RERG: variants seen among roughly 807,000 people sequenced by gnomAD.
The protein encoded by RERG is RAS like estrogen regulated growth inhibitor, also known as ras-related and estrogen-regulated growth inhibitor.
A neutral mutation model predicts 23.2 loss-of-function variants in RERG; 25 were observed. The ratio of observed to expected loss-of-function variants is 1.08; its 90% CI spans 0.79 to 1.50. RERG has a LOEUF of 1.50. Among genes scored for constraint, RERG ranks in the 40% most tolerant of loss-of-function variants. RERG has a pLI of 0.00. For missense variants in RERG, 253 were observed against 250.1 expected, an observed-to-expected ratio of 1.01 and a Z score of -0.08; for synonymous variants, 81 against 89.1, an observed-to-expected ratio of 0.91 and a Z score of 0.51.
chr12:15,109,908 T>C (rs1367626116), intron 4 of RERG, among the ~76,000 whole-genome samples: 2 of 152,226 alleles, frequency 1.3e-5, no homozygotes. Context: ...TTCCACCTTT[T>C]AAGTATCAGA....
Position 15,109,191 on chromosome 12 carries a change from C to A in RERG, c.519G>T (p.Val173=). The A allele has an allele frequency of 6.2e-7, 1 of 1,613,748 alleles. No homozygotes were observed. Among genetic ancestry groups the A allele is most frequent in the South Asian group, 1.1e-5 (1 of 91,040 alleles). ...LCREVRRRRM[V]QGKTRRRSST... ...AGCTGCGTCGCCTCGTCTTGCCCTG[C>A]ACCATCCTCCGGCGACGCACCTCTC... is the stretch of plus-strand genomic sequence containing the variant. The change falls in exon 5 of 5, where the codon GTG becomes GTT. Residue 173 remains valine (V), a synonymous_variant. Coordinates refer to ENST00000256953, the MANE Select transcript of RERG (RefSeq NM_032918.3).
rs565884373 is a variant in RERG, at chr12:15,220,762, C to A, written c.-115+433G>T. 5.5e-4 allele frequency among the ~76,000 whole-genome samples: 84 copies of A among 152,184 alleles called. 2 individuals are homozygous for A. In the South Asian group the frequency reaches 0.017, roughly 30 times the overall value. On this transcript the variant is annotated intron_variant, in intron 1 of 4. Coordinates refer to ENST00000256953, the MANE Select transcript of RERG (RefSeq NM_032918.3). ...ATGAGATTCTCTTCTTTTTTGGCCT[C>A]CCCTTCTCTGGTTCTGAAATCAAGT...
intron 2 of RERG, among the ~76,000 whole-genome samples, chr12:15,132,796 CAT>C (rs1479808952): frequency 6.6e-6 from 1 of 152,020 alleles, no homozygotes; most frequent in East Asian, 1.9e-4. Context: ...TCTAATTACA[CAT>C]GATATTGGGA....
chr12:15,109,050 G>T lies in RERG; in HGVS notation c.*60C>A. ...GAATGCAATATTTTGTTTTATTTTTGAAAGGGGAACAGAAGGGGAAGAGTG... is the reference window on the plus strand; with the variant it reads ...GAATGCAATATTTTGTTTTATTTTTTAAAGGGGAACAGAAGGGGAAGAGTG... On this transcript the variant is annotated 3_prime_UTR_variant, in exon 5 of 5. Transcript: ENST00000256953. The T allele has an allele frequency of 7.0e-7, 1 of 1,420,532 alleles. No homozygotes were observed. The highest frequency in any genetic ancestry group is 9.5e-7 in the Non-Finnish European group (1 of 1,057,648). 88.0% of individuals were successfully genotyped at this position (1,420,532 alleles called of 1,614,324 possible). A position where few individuals can be genotyped will look rare whatever the true frequency, so the allele number is the denominator to read the frequency against.
intron 2 of RERG, among the ~76,000 whole-genome samples, chr12:15,172,890 T>C (rs566351335): frequency 1.3e-5 from 2 of 152,078 alleles, no homozygotes; most frequent in African/African-American, 4.8e-5. Flanking sequence ...CCTTCTCATA[T>C]ATTTGATTTG....
intron 2 of RERG, among the ~76,000 whole-genome samples, chr12:15,175,165 GTTT>G (rs796515123): frequency 7.1e-6 from 1 of 140,276 alleles, no homozygotes; most frequent in Non-Finnish European, 1.6e-5. Flanking sequence ...TGTATTTGTT[GTTT>G]TTTTTTTTGT....
At chr12:15,128,372 C>G (rs1036209500) in intron 2 of RERG, among the ~76,000 whole-genome samples, 2 of 152,054 alleles carry the variant, frequency 1.3e-5, no homozygotes, top group Non-Finnish European at 1.5e-5. Context: ...AAGCAGTATG[C>G]TAAAAGCAAA....
At chr12:15,119,251 A>T (rs1433698457) in intron 3 of RERG, among the ~76,000 whole-genome samples, 1 of 152,232 alleles carries the variant, frequency 6.6e-6, no homozygotes, top group Non-Finnish European at 1.5e-5. Flanking sequence ...GGAAGCCCGC[A>T]CTATACATAA....
intron 2 of RERG, among the ~76,000 whole-genome samples, chr12:15,128,719 T>C (rs1235433311): frequency 2.6e-5 from 4 of 152,144 alleles, no homozygotes; most frequent in Non-Finnish European, 4.4e-5. Context: ...ATAGGAGTAA[T>C]GTGTATGGTG....
rs1236837020 is a variant in RERG at position 15,221,325 on chromosome 12, GTCGTGGGTGGGAC to G, written c.-258_-246del. 6.6e-6 allele frequency: 1 copy of G among 152,266 alleles called. No individual in the cohort carries two copies. The highest frequency in any genetic ancestry group is 6.5e-5 in the Admixed American group (1 of 15,290). 9.4% of individuals were successfully genotyped at this position (152,266 alleles called of 1,614,324 possible). On this transcript the variant is annotated 5_prime_UTR_variant, in exon 1 of 5. Coordinates refer to ENST00000256953, the MANE Select transcript of RERG (RefSeq NM_032918.3). ...TGCGTTTGCGAGTTGCTGGGCTGCG[GTCGTGGGTGGGAC>G]TCGCCGCAGAAGCAAGTGCCAGTGG...
At chr12:15,138,180 C>G (rs1401598863) in intron 2 of RERG, 1 of 176,412 alleles carries the variant, frequency 5.7e-6, no homozygotes, top group African/African-American at 2.4e-5. Flanking sequence ...CTTGTGTTCT[C>G]TGTGCTTCCT....
At chr12:15,127,670 A>G (rs957943772) in intron 2 of RERG, among the ~76,000 whole-genome samples, 3 of 152,244 alleles carry the variant, frequency 2.0e-5, no homozygotes, top group Non-Finnish European at 4.4e-5. Flanking sequence ...AGATTTGTGG[A>G]GATAGTTTAT....
intron 2 of RERG, among the ~76,000 whole-genome samples, chr12:15,210,244 T>C (rs1273019440): frequency 1.3e-5 from 2 of 152,172 alleles, no homozygotes; most frequent in Non-Finnish European, 2.9e-5. Context: ...GTTAGTCTTT[T>C]CAAGTTGCCA....
At chr12:15,218,443 ATCT>A (rs61694391) in intron 1 of RERG, among the ~76,000 whole-genome samples, 15,245 of 151,968 alleles carry the variant, frequency 0.1, 1,248 homozygotes, top group African/African-American at 0.23. Context: ...ATCTGAAGAA[ATCT>A]TCTAGCCATT....
intron 2 of RERG, among the ~76,000 whole-genome samples, chr12:15,148,863 T>TG (rs1565519580): frequency 4.5e-5 from 4 of 89,546 alleles, no homozygotes; most frequent in Non-Finnish European, 2.2e-5. Context: ...TTTTTTTTTT[T>TG]TTTTTTTTTT....
intron 2 of RERG, among the ~76,000 whole-genome samples, chr12:15,208,006 C>T (rs981264261): frequency 5.3e-5 from 8 of 151,998 alleles, no homozygotes; most frequent in African/African-American, 1.7e-4. Context: ...AGGGTTTTGT[C>T]GATGTAGTTA....
chr12:15,220,817 C>G (rs1416278251), intron 1 of RERG, among the ~76,000 whole-genome samples: 1 of 152,162 alleles, frequency 6.6e-6, no homozygotes, highest in Non-Finnish European at 1.5e-5. Flanking sequence ...GGAATTCTTC[C>G]TCTTCTTATC....
intron 2 of RERG, among the ~76,000 whole-genome samples, chr12:15,188,286 A>G (rs1404383428): frequency 1.3e-5 from 2 of 152,170 alleles, no homozygotes; most frequent in Non-Finnish European, 2.9e-5. Context: ...CTAATAGAAT[A>G]GGTTTTTGAC....
At chr12:15,115,917 A>G (rs1863712304) in intron 3 of RERG, among the ~76,000 whole-genome samples, 1 of 152,144 alleles carries the variant, frequency 6.6e-6, no homozygotes, top group Non-Finnish European at 1.5e-5. Flanking sequence ...TTGCTCAAGT[A>G]TTTTCCAAAA....
Sources: allele counts gnomAD v4.1 joint callset (sites outside exome capture counted in the v4.1 genomes callset), GRCh38; gene constraint gnomAD v4.1.1; transcripts MANE v1.5; gene names NCBI Gene and HGNC (gene_info 2026-07-23, HGNC 2026-07-21).